PLAC1: variants seen among roughly 807,000 people sequenced by gnomAD.
PLAC1 encodes placenta associated 1.
For missense variants in PLAC1, 136 were observed against 163.2 expected (o/e 0.83, Z 0.91); for synonymous variants, 68 against 62.1 (o/e 1.09, Z -0.44).
At chrX:134,579,377 C>T (rs1436830087) in intron 2 of PLAC1, among the ~76,000 whole-genome samples, 1 of 111,641 alleles carries the variant, frequency 9.0e-6, no homozygotes, top group Non-Finnish European at 1.9e-5. Flanking sequence ...GAAAAATGGC[C>T]AGACATTACA....
At chrX:134,730,451 C>CT (rs372857249) in intron 2 of PLAC1, among the ~76,000 whole-genome samples, 11 of 110,472 alleles carry the variant, frequency 1.0e-4, no homozygotes, top group Admixed American at 2.9e-4. Flanking sequence ...AAGATGAATT[C>CT]TTTTTTTTAA....
At chrX:134,595,669 T>A (rs1171620116) in intron 2 of PLAC1, among the ~76,000 whole-genome samples, 1 of 108,279 alleles carries the variant, frequency 9.2e-6, no homozygotes, top group Non-Finnish European at 1.9e-5. Flanking sequence ...TATCTGATAT[T>A]AATATAGACA....
intron 1 of PLAC1, among the ~76,000 whole-genome samples, chrX:134,748,646 C>T (rs1450153717): frequency 8.9e-6 from 1 of 112,162 alleles, no homozygotes; most frequent in African/African-American, 3.2e-5. Flanking sequence ...TTATTCTCAT[C>T]TTTGAAAACT....
intron 2 of PLAC1, among the ~76,000 whole-genome samples, chrX:134,567,761 CA>C (rs397948329): frequency 4.9e-3 from 142 of 29,103 alleles, no homozygotes; most frequent in South Asian, 6.9e-3. Flanking sequence ...GACTCTGTCT[CA>C]AAAAAAAAAA....
intron 1 of PLAC1, among the ~76,000 whole-genome samples, chrX:134,631,289 G>A (rs757960270): frequency 8.9e-6 from 1 of 112,279 alleles, no homozygotes; most frequent in Non-Finnish European, 1.9e-5. Flanking sequence ...TGTAGGAGGA[G>A]AAAGAATAGT....
intron 2 of PLAC1, among the ~76,000 whole-genome samples, chrX:134,706,669 T>C (rs182292067): frequency 4.3e-4 from 48 of 111,551 alleles, no homozygotes; most frequent in African/African-American, 1.5e-3. Context: ...TTTGAACAAG[T>C]AATTATAAAT....
chrX:134,757,700 T>C (rs1474961532), intron 1 of PLAC1, among the ~76,000 whole-genome samples: 1 of 111,554 alleles, frequency 9.0e-6, no homozygotes, highest in Non-Finnish European at 1.9e-5. Context: ...ATTATGTAGG[T>C]AAACACCCTT....
chrX:134,613,429 C>T (rs1314560618), intron 1 of PLAC1, among the ~76,000 whole-genome samples: 1 of 110,376 alleles, frequency 9.1e-6, no homozygotes, highest in Non-Finnish European at 1.9e-5. Context: ...ATCCCACACC[C>T]CAAAGCCTCC....
At chrX:134,677,061 G>GTAGA (rs1173737183) in intron 2 of PLAC1, among the ~76,000 whole-genome samples, 5 of 112,666 alleles carry the variant, frequency 4.4e-5, no homozygotes, top group Non-Finnish European at 9.4e-5. Context: ...TGTTCAAAAT[G>GTAGA]TAGATTTGTG....
intron 1 of PLAC1, among the ~76,000 whole-genome samples, chrX:134,761,444 G>A (rs1045872245): frequency 1.8e-5 from 2 of 112,069 alleles, no homozygotes; most frequent in Non-Finnish European, 3.8e-5. Flanking sequence ...TTCGGGATCG[G>A]GGGGAAGGGA....
intron 2 of PLAC1, among the ~76,000 whole-genome samples, chrX:134,592,241 A>G (rs2078042109): frequency 8.9e-6 from 1 of 112,154 alleles, no homozygotes; most frequent in Admixed American, 9.5e-5. Context: ...TCTACTGTTT[A>G]TTTAAACATT....
At chrX:134,630,577 G>A (rs2078256422) in intron 1 of PLAC1, among the ~76,000 whole-genome samples, 2 of 111,805 alleles carry the variant, frequency 1.8e-5, no homozygotes, top group African/African-American at 6.5e-5. Context: ...GTCTGTCACA[G>A]TGGGGATTTA....
intron 1 of PLAC1, among the ~76,000 whole-genome samples, chrX:134,614,649 TATAGAG>T (rs1055685203): frequency 4.5e-5 from 5 of 110,820 alleles, no homozygotes; most frequent in Non-Finnish European, 5.7e-5. Context: ...TCATTTTTTA[TATAGAG>T]ATAGAGTCTC....
chrX:134,699,307 C>T (rs995157930), intron 2 of PLAC1, among the ~76,000 whole-genome samples: 1 of 111,265 alleles, frequency 9.0e-6, no homozygotes, highest in African/African-American at 3.3e-5. Context: ...GGAGTTTGTC[C>T]CTTATTGCCT....
intron 2 of PLAC1, among the ~76,000 whole-genome samples, chrX:134,591,204 A>G (rs1372377615): frequency 2.7e-5 from 3 of 112,428 alleles, no homozygotes; most frequent in Non-Finnish European, 3.8e-5. Flanking sequence ...TCATTGCATG[A>G]AAATCTGTCA....
chrX:134,697,411 C>T (rs1191722103), intron 2 of PLAC1, among the ~76,000 whole-genome samples: 3 of 112,107 alleles, frequency 2.7e-5, no homozygotes, highest in African/African-American at 9.7e-5. Context: ...CCTTTTATCA[C>T]AGGACCTAGA....
intron 2 of PLAC1, among the ~76,000 whole-genome samples, chrX:134,670,748 C>T (rs2078452732): frequency 8.9e-6 from 1 of 112,175 alleles, no homozygotes; most frequent in South Asian, 3.7e-4. Flanking sequence ...TTAGCTCATG[C>T]AACTCATACC....
chrX:134,730,441 A>C (rs1321640818), intron 2 of PLAC1, among the ~76,000 whole-genome samples: 1 of 111,149 alleles, frequency 9.0e-6, no homozygotes, highest in Non-Finnish European at 1.9e-5. Context: ...ATAATTACTC[A>C]AGATGAATTC....
At chrX:134,613,104 G>A (rs1277978123) in intron 1 of PLAC1, among the ~76,000 whole-genome samples, 1 of 110,709 alleles carries the variant, frequency 9.0e-6, no homozygotes, top group Non-Finnish European at 1.9e-5. Context: ...AGGATCACTT[G>A]AGCCTGGGAG....
Sources: gnomAD v4.1 joint callset for allele counts (sites outside exome capture counted in the v4.1 genomes callset) on GRCh38, gnomAD v4.1.1 for gene constraint, MANE v1.5 for transcripts, NCBI Gene and HGNC (gene_info 2026-07-23, HGNC 2026-07-21) for gene names.